The following FER1L6 variants were observed in gnomAD, a reference collection of about 807,000 sequenced individuals.
FER1L6 encodes fer-1-like protein 6.
A neutral mutation model predicts 219.2 loss-of-function variants in FER1L6; 177 were observed. The observed-to-expected ratio is 0.81, with a 90% CI of 0.71 to 0.91. The LOEUF is 0.91. Among genes scored for constraint, FER1L6 ranks in the 40% least tolerant of loss-of-function variants. The pLI is 0.00. For synonymous variants in FER1L6, 768 were observed against 824.3 expected (o/e 0.93, Z 1.17); for missense variants, 2,153 against 2,259.9 (o/e 0.95, Z 0.96).
chr8:123,993,911 G>A (rs1297024529), intron 12 of FER1L6, among the ~76,000 whole-genome samples: 3 of 152,200 alleles, frequency 2.0e-5, no homozygotes, highest in African/African-American at 4.8e-5. Context: ...ATTATAAATA[G>A]CCTTAGTGTG....
chr8:123,853,961 C>T lies in FER1L6; in HGVS notation c.-8+1776C>T, dbSNP rs1425224694. On this transcript the variant is annotated intron_variant, in intron 1 of 40. Transcript: ENST00000522917. This position sits in a 1 kb window ranked among gnomAD's most constrained non-coding sequence, Gnocchi z 6.6. ...GGATGCAGGGCTTCTGTGGGCCTGGCTCTCAGGGAAGCATCAGGGACCGTG... is the reference window on the plus strand; with the variant it reads ...GGATGCAGGGCTTCTGTGGGCCTGGTTCTCAGGGAAGCATCAGGGACCGTG... 6.6e-6 allele frequency among the ~76,000 whole-genome samples: 1 copy of T among 152,176 alleles called. No homozygotes were observed. The highest frequency in any genetic ancestry group is 1.5e-5 in the Non-Finnish European group (1 of 68,042).
At position 124,119,959 on chromosome 8, in the gene FER1L6, C is replaced by T; in HGVS notation, c.*169C>T. ...CATTTCCTCCCTGCTCCAACCCCTG[C>T]CTCCAAGTTTCAAACTTGTAAGGCA... On this transcript the variant is annotated 3_prime_UTR_variant, in exon 41 of 41. Coordinates refer to ENST00000522917, the MANE Select transcript of FER1L6 (RefSeq NM_001039112.2). 1.5e-6 allele frequency: 1 copy of T among 649,830 alleles called. No homozygotes were observed. The highest frequency in any genetic ancestry group is 2.4e-6 in the Non-Finnish European group (1 of 414,482). The allele number at this position is 649,830 out of a possible 1,614,324, so 40.3% of individuals were successfully genotyped here.
chr8:123,891,064 CATT>C (rs1301557740), intron 1 of FER1L6, among the ~76,000 whole-genome samples: 1 of 152,058 alleles, frequency 6.6e-6, no homozygotes, highest in Non-Finnish European at 1.5e-5. Flanking sequence ...TTGTGTTCAT[CATT>C]ATTTAAGTGA....
chr8:124,064,433 G>T lies in FER1L6; in HGVS notation c.3415G>T (p.Val1139Phe). 1 of 1,613,970 alleles carries T rather than the reference G, an allele frequency of 6.2e-7. No homozygotes were observed. The highest frequency in any genetic ancestry group is 8.5e-7 in the Non-Finnish European group (1 of 1,179,960). ...CCCAGCAGATCACATTTATGTGGAT[G>T]TTGAGCCACCTCCCACAGTGGTGCC... ...DPPADHIYVD[V>F]EPPPTVVPDS... Residue 1139 changes from valine (V) to phenylalanine (F), a missense_variant, in exon 26 of 41, where the codon GTT becomes TTT. Val to Phe is a conservative substitution (Grantham distance 50, BLOSUM62 -1). Coordinates refer to ENST00000522917, the MANE Select transcript of FER1L6 (RefSeq NM_001039112.2).
At chr8:123,886,918 C>T (rs539790940) in intron 1 of FER1L6, among the ~76,000 whole-genome samples, 1 of 152,202 alleles carries the variant, frequency 6.6e-6, no homozygotes, top group East Asian at 1.9e-4. Context: ...CCAATAGTCC[C>T]ATAGACAGTT....
At chr8:124,021,021 A>C (rs1818433287) in intron 16 of FER1L6, among the ~76,000 whole-genome samples, 1 of 152,168 alleles carries the variant, frequency 6.6e-6, no homozygotes, top group Non-Finnish European at 1.5e-5. Context: ...GGTGGAAGGC[A>C]AGGAGGAGCA....
intron 39 of FER1L6, among the ~76,000 whole-genome samples, chr8:124,109,630 ATTAAATGCTCTTCATT>A (rs1281238710): frequency 2.0e-5 from 3 of 152,226 alleles, no homozygotes; most frequent in Non-Finnish European, 2.9e-5. Context: ...GGAGCTTCTA[ATTAAATGCTCTTCATT>A]TCTATCAACA....
intron 39 of FER1L6, among the ~76,000 whole-genome samples, chr8:124,107,094 G>A (rs374021054): frequency 4.0e-5 from 6 of 151,500 alleles, no homozygotes; most frequent in South Asian, 4.2e-4. Flanking sequence ...GACTACAGGC[G>A]CCCGCCACCA....
intron 38 of FER1L6, 63 bp downstream of exon 38, chr8:124,101,401 G>T (rs1822544457): frequency 1.3e-6 from 2 of 1,498,926 alleles, no homozygotes; most frequent in Admixed American, 3.7e-5. Context: ...CTTTTGGAGA[G>T]CTTGGTCTGA....
intron 1 of FER1L6, among the ~76,000 whole-genome samples, chr8:123,918,770 C>T (rs1369568841): frequency 6.6e-6 from 1 of 152,084 alleles, no homozygotes; most frequent in South Asian, 2.1e-4. Flanking sequence ...CTTGCTTTGG[C>T]GTTCTTAAGA....
At chr8:124,027,729 T>G (rs954270023) in intron 18 of FER1L6, among the ~76,000 whole-genome samples, 2 of 152,168 alleles carry the variant, frequency 1.3e-5, no homozygotes, top group Non-Finnish European at 2.9e-5. Context: ...CTGGCTAATT[T>G]TTATTTCTCA....
chr8:123,929,124 A>G (rs1298847141), intron 1 of FER1L6, among the ~76,000 whole-genome samples: 1 of 152,168 alleles, frequency 6.6e-6, no homozygotes, highest in African/African-American at 2.4e-5. Context: ...TTGGCTTGAG[A>G]GGTGTATTAA....
Position 124,028,262 on chromosome 8 carries a change from G to A in FER1L6, c.2286+4666G>A, listed in dbSNP as rs539337366. 2.1e-4 allele frequency among the ~76,000 whole-genome samples: 32 copies of A among 152,300 alleles called. No homozygotes were observed. The South Asian group carries it at 6.6e-3, about 32-fold the overall frequency. ...GTATTTTCCTTTTGCCATTGGAATTGCTCTGGGCAGTAGCTTTCTGGATCT... is the reference window on the plus strand; with the variant it reads ...GTATTTTCCTTTTGCCATTGGAATTACTCTGGGCAGTAGCTTTCTGGATCT... On this transcript the variant is annotated intron_variant, in intron 18 of 40. Coordinates refer to ENST00000522917, the MANE Select transcript of FER1L6 (RefSeq NM_001039112.2).
rs375958626 is a variant in FER1L6 at position 123,940,309 on chromosome 8, C to A, written c.-7-15683C>A. Reference sequence around the variant, plus strand: ...CCTGTGTAGCAGTTCATGGTAAGGGCATTATTCCTGGAAGAGGGACGAGGG... The same window carrying A: ...CCTGTGTAGCAGTTCATGGTAAGGGAATTATTCCTGGAAGAGGGACGAGGG... On this transcript the variant is annotated intron_variant, in intron 1 of 40. Transcript: ENST00000522917. Among the ~76,000 whole-genome samples, 16 of 151,788 alleles carry A rather than the reference C, an allele frequency of 1.1e-4. No individual in the cohort carries two copies. In the East Asian group the frequency reaches 1.5e-3, roughly 15 times the overall value.
At chr8:123,946,907 A>C (rs1398598581) in intron 1 of FER1L6, among the ~76,000 whole-genome samples, 4 of 152,152 alleles carry the variant, frequency 2.6e-5, no homozygotes, top group Non-Finnish European at 5.9e-5. Context: ...GGCAGAGTGT[A>C]CTAGGGCCTA....
intron 1 of FER1L6, among the ~76,000 whole-genome samples, chr8:123,883,851 C>T (rs1817153574): frequency 6.6e-6 from 1 of 152,210 alleles, no homozygotes; most frequent in African/African-American, 2.4e-5. Flanking sequence ...CATGAGGGCT[C>T]TGTTCTCATG....
chr8:124,023,457 T>C lies in FER1L6; in HGVS notation c.2147T>C (p.Ile716Thr). Reference protein sequence around the residue: ...RFLVDEPQHTIPDVFIWMLSN... With the variant: ...RFLVDEPQHTTPDVFIWMLSN... ...CTATTCCCACAGCCCCAGCACACTA[T>C]CCCTGACGTTTTCATCTGGATGCTC... The change falls in exon 18 of 41, where the codon ATC becomes ACC. Residue 716 changes from isoleucine (I) to threonine (T), a missense_variant. Physicochemically the swap from Ile to Thr is moderately conservative, Grantham distance 89. Transcript: ENST00000522917. 1 of 1,614,078 alleles carries C rather than the reference T, an allele frequency of 6.2e-7. No homozygotes were observed. The highest frequency in any genetic ancestry group is 8.5e-7 in the Non-Finnish European group (1 of 1,179,998).
At position 123,853,313 on chromosome 8, in the gene FER1L6, C is replaced by G. The variant is rs1216855000; in HGVS notation, c.-8+1128C>G. Among the ~76,000 whole-genome samples, 1 of 152,080 alleles carries G rather than the reference C, an allele frequency of 6.6e-6. No homozygotes were observed. Among genetic ancestry groups the G allele is most frequent in the African/African-American group, 2.4e-5 (1 of 41,410 alleles). ...GGGATTACAGGTGCTTGCCATCACA[C>G]CCGGCTAATTTCTGTATTTTTAGAG... On this transcript the variant is annotated intron_variant, in intron 1 of 40. Transcript: ENST00000522917. The surrounding 1 kb of genome is among the most constrained non-coding windows in gnomAD (Gnocchi z 6.6).
At chr8:124,037,050 C>A (rs1819249028) in intron 19 of FER1L6, among the ~76,000 whole-genome samples, 1 of 152,176 alleles carries the variant, frequency 6.6e-6, no homozygotes, top group East Asian at 1.9e-4. Flanking sequence ...CAAGCCATAG[C>A]ACAAGAGGTG....
Sources: gnomAD v4.1 joint callset for allele counts (sites outside exome capture counted in the v4.1 genomes callset) on GRCh38, gnomAD v4.1.1 for gene constraint, Gnocchi (gnomAD v3.1) non-coding constraint, MANE v1.5 for transcripts, NCBI Gene and HGNC (gene_info 2026-07-23, HGNC 2026-07-21) for gene names.